Variants in RERE observed in about 807,000 individuals in gnomAD.
RERE encodes the protein arginine-glutamic acid dipeptide repeats, also known as arginine-glutamic acid dipeptide repeats protein.
In RERE, 40 loss-of-function variants were observed where a neutral mutation model predicts 146.1. That is an observed-to-expected ratio of 0.27 (90% CI 0.21 to 0.36). The LOEUF (loss-of-function observed/expected upper bound fraction) is 0.36, where lower values mean the gene tolerates loss of function less well. RERE is among the 10% of genes least tolerant of loss of function. The pLI, the probability that RERE is intolerant of heterozygous loss-of-function variation, is 1.00. For synonymous variants in RERE, 1,003 were observed against 866.0 expected (o/e 1.16, Z -2.78); for missense variants, 1,933 against 2,138.7 (o/e 0.90, Z 1.90).
At position 8,566,149 on chromosome 1, in the gene RERE, C is replaced by T. The variant is rs538341278; in HGVS notation, c.523-8626G>A. Among the ~76,000 whole-genome samples, 12 of 152,204 alleles carry T rather than the reference C, an allele frequency of 7.9e-5. No individual in the cohort carries two copies. The East Asian group carries it at 1.4e-3, about 17-fold the overall frequency. ...CCAACCTTGGTGTATTTTAGTGTAGCGCTGGAACTGAACAGACCTAAAAAT... is the reference window on the plus strand; with the variant it reads ...CCAACCTTGGTGTATTTTAGTGTAGTGCTGGAACTGAACAGACCTAAAAAT... On this transcript the variant is annotated intron_variant, in intron 4 of 22. Transcript: ENST00000400908.
chr1:8,774,347 A>ATTTTTTTTTTTTTT (rs34859762), intron 1 of RERE, among the ~76,000 whole-genome samples: 5 of 93,180 alleles, frequency 5.4e-5, no homozygotes, highest in African/African-American at 8.0e-5. Context: ...TTGGCAAACT[A>ATTTTTTTTTTTTTT]TTTTTTTTTT....
rs1645061376 is a variant in RERE at position 8,497,523 on chromosome 1, G to A, written c.886C>T (p.Leu296Phe). Reference sequence around the variant, plus strand: ...GAAGGAAATGGTTGCAGATCTGGAAGTTTGGCCTGTAAGACAGGGATGAGT... The same window carrying A: ...GAAGGAAATGGTTGCAGATCTGGAAATTTGGCCTGTAAGACAGGGATGAGT... ...IRVGPSHQAK[L>F]PDLQPFPSPD... Residue 296 changes from leucine to phenylalanine, a missense_variant, in exon 9 of 23, where the codon CTT becomes TTT. Physicochemically the swap from Leu to Phe is conservative, Grantham distance 22. Coordinates refer to ENST00000400908, the MANE Select transcript of RERE (RefSeq NM_001042681.2). The A allele has an allele frequency of 6.2e-7, 1 of 1,614,128 alleles. No individual in the cohort carries two copies. Among genetic ancestry groups the A allele is most frequent in the Non-Finnish European group, 8.5e-7 (1 of 1,180,000 alleles).
intron 7 of RERE, among the ~76,000 whole-genome samples, chr1:8,522,420 A>T (rs1219997253): frequency 6.6e-6 from 1 of 152,260 alleles, no homozygotes; most frequent in Non-Finnish European, 1.5e-5. Context: ...TGAATACACA[A>T]AGTAAAATGG....
At chr1:8,543,996 A>G (rs1264534657) in intron 6 of RERE, among the ~76,000 whole-genome samples, 1 of 152,202 alleles carries the variant, frequency 6.6e-6, no homozygotes, top group East Asian at 1.9e-4. Flanking sequence ...TACAATGTGG[A>G]AAGAGTGAAC....
chr1:8,597,383 T>C (rs1646567171), intron 4 of RERE, among the ~76,000 whole-genome samples: 2 of 152,182 alleles, frequency 1.3e-5, no homozygotes, highest in African/African-American at 4.8e-5. Flanking sequence ...TGAGCCACTG[T>C]GCCCAGCCCC....
intron 1 of RERE, among the ~76,000 whole-genome samples, chr1:8,675,711 G>GA (rs1170177885): frequency 1.3e-5 from 2 of 150,704 alleles, no homozygotes; most frequent in Non-Finnish European, 2.9e-5. Flanking sequence ...CGACAAGAGC[G>GA]AAACTCCGAC....
At chr1:8,773,268 T>A (rs915525101) in intron 1 of RERE, among the ~76,000 whole-genome samples, 4 of 152,188 alleles carry the variant, frequency 2.6e-5, no homozygotes, top group African/African-American at 4.8e-5. Context: ...AGTCAAAACA[T>A]CTGTCTAAAT....
chr1:8,418,649 G>C (rs1643842827), intron 12 of RERE, among the ~76,000 whole-genome samples: 1 of 152,236 alleles, frequency 6.6e-6, no homozygotes, highest in Non-Finnish European at 1.5e-5. Context: ...TGTCCTCAGA[G>C]AAGAGATATG....
At chr1:8,355,355 C>T in intron 22 of RERE, 64 bp downstream of exon 22, 1 of 1,556,202 alleles carries the variant, frequency 6.4e-7, no homozygotes, top group South Asian at 1.2e-5. Context: ...GCCCTGGGCA[C>T]ACGGGGAGGT....
intron 7 of RERE, among the ~76,000 whole-genome samples, chr1:8,521,578 A>C (rs1645501651): frequency 6.6e-6 from 1 of 152,220 alleles, no homozygotes; most frequent in Non-Finnish European, 1.5e-5. Context: ...TAATAACAAT[A>C]ATGTACTAAG....
intron 1 of RERE, among the ~76,000 whole-genome samples, chr1:8,754,879 A>T (rs1640606604): frequency 1.3e-5 from 2 of 152,248 alleles, no homozygotes; most frequent in African/African-American, 2.4e-5. Flanking sequence ...AGATTGGTAC[A>T]TGTTTAACTG....
intron 1 of RERE, among the ~76,000 whole-genome samples, chr1:8,757,911 TACACACAC>T (rs35913290): frequency 1.7e-4 from 5 of 30,128 alleles, no homozygotes; most frequent in Non-Finnish European, 4.0e-4. Flanking sequence ...CACACATACA[TACACACAC>T]ACACACACAC....
intron 1 of RERE, among the ~76,000 whole-genome samples, chr1:8,728,476 A>C (rs11804360): frequency 0.044 from 6,691 of 151,532 alleles, 488 homozygotes; most frequent in African/African-American, 0.15. Context: ...AAAAAAAAAA[A>C]CCCTATTGAA....
intron 12 of RERE, among the ~76,000 whole-genome samples, chr1:8,409,555 C>T (rs530597114): frequency 6.6e-6 from 1 of 152,324 alleles, no homozygotes; most frequent in South Asian, 2.1e-4. Flanking sequence ...TCCAGGGCTC[C>T]TAGGCCAGTC....
chr1:8,454,339 AG>A (rs1644425060), intron 11 of RERE, among the ~76,000 whole-genome samples: 1 of 152,188 alleles, frequency 6.6e-6, no homozygotes, highest in South Asian at 2.1e-4. Context: ...TGACTCTGTT[AG>A]CTTTAGATAA....
intron 1 of RERE, among the ~76,000 whole-genome samples, chr1:8,741,501 C>T (rs1188272825): frequency 1.3e-5 from 2 of 152,164 alleles, no homozygotes; most frequent in Non-Finnish European, 2.9e-5. Context: ...ATCGTGGAGC[C>T]GGTTTCTCCC....
intron 10 of RERE, among the ~76,000 whole-genome samples, chr1:8,470,610 T>C (rs1185717515): frequency 6.6e-6 from 1 of 151,952 alleles, no homozygotes; most frequent in African/African-American, 2.4e-5. Context: ...ATCATCAGTG[T>C]TTCACAGGGG....
Position 8,364,160 on chromosome 1 carries a change from C to T in RERE, c.1636G>A (p.Glu546Lys). 1 of 1,614,166 alleles carries T rather than the reference C, an allele frequency of 6.2e-7. No homozygotes were observed. The highest frequency in any genetic ancestry group is 8.5e-7 in the Non-Finnish European group (1 of 1,180,026). Residue 546 changes from glutamate to lysine, a missense_variant, in exon 15 of 23, where the codon GAG becomes AAG. Glu to Lys is a moderately conservative substitution (Grantham distance 56, BLOSUM62 1). Transcript: ENST00000400908. This position sits in a 1 kb window ranked among gnomAD's most constrained non-coding sequence, Gnocchi z 5.1. ...FKKYGELPPI[E>K]KPVDPPPFMF... is the part of the protein sequence containing the mutation. Reference sequence around the variant, plus strand: ...AACGGTGGCGGGTCCACGGGCTTCTCAATGGGCGGGAGCTCACCGTATTTC... The same window carrying T: ...AACGGTGGCGGGTCCACGGGCTTCTTAATGGGCGGGAGCTCACCGTATTTC...
In RERE at chr1:8,365,888, G is replaced by A. The variant is rs200306798; in HGVS notation, c.1371C>T (p.Ala457=). 23 of 1,614,184 alleles carry A rather than the reference G, an allele frequency of 1.4e-5. No individual in the cohort carries two copies. The highest frequency in any genetic ancestry group is 6.7e-5 in the Admixed American group (4 of 60,032). The change falls in exon 13 of 23, where the codon GCC becomes GCT. Residue 457 remains alanine, a synonymous_variant. Coordinates refer to ENST00000400908, the MANE Select transcript of RERE (RefSeq NM_001042681.2). The part of the protein sequence containing the change: ...SRAHRRHRRQ[A]VFRRIKTRTA... ...TGCGAGTCTTAATCCTCCTGAACACGGCCTGCCTGCGGTGCCTACGATGGG... is the reference window on the plus strand; with the variant it reads ...TGCGAGTCTTAATCCTCCTGAACACAGCCTGCCTGCGGTGCCTACGATGGG...
Sources: allele counts gnomAD v4.1 joint callset (sites outside exome capture counted in the v4.1 genomes callset), GRCh38; gene constraint gnomAD v4.1.1; non-coding constraint Gnocchi (gnomAD v3.1); transcripts MANE v1.5; gene names NCBI Gene and HGNC (gene_info 2026-07-23, HGNC 2026-07-21).